The following PCDHGA3 variants were observed in gnomAD, a reference collection of about 807,000 sequenced individuals.
PCDHGA3 encodes protocadherin gamma subfamily A, 3.
PCDHGA3 carries 40 observed loss-of-function variants against 58.5 expected under a neutral mutation model. The observed-to-expected ratio is 0.68, with a 90% CI of 0.53 to 0.89. The LOEUF is 0.89. Among genes scored for constraint, PCDHGA3 ranks in the 40% least tolerant of loss-of-function variants. The probability of loss-of-function intolerance (pLI) is 0.00; values close to 1 mark genes in which losing one functional copy is unlikely to be tolerated. For missense variants in PCDHGA3, 1,223 were observed against 1,195.9 expected (o/e 1.02, Z -0.33); for synonymous variants, 530 against 525.7 (o/e 1.01, Z -0.11).
At chr5:141,351,684 CG>C in intron 1 of PCDHGA3, 1 of 1,613,988 alleles carries the variant, frequency 6.2e-7, no homozygotes, top group East Asian at 2.2e-5. Context: ...GCCTCCGACC[CG>C]GATTTGGGAC....
At chr5:141,414,498 C>T (rs2095755127) in intron 1 of PCDHGA3, 1 of 1,613,848 alleles carries the variant, frequency 6.2e-7, no homozygotes, top group African/African-American at 1.3e-5. Flanking sequence ...CGGAAGCTCA[C>T]TTTATGCTAC....
intron 1 of PCDHGA3, chr5:141,359,962 A>C (rs1174665843): frequency 1.7e-6 from 1 of 602,426 alleles, no homozygotes; most frequent in African/African-American, 1.9e-5. Context: ...GAACGAAGAG[A>C]AGCGTTTGGG....
At chr5:141,352,486 G>T in intron 1 of PCDHGA3, 1 of 1,614,000 alleles carries the variant, frequency 6.2e-7, no homozygotes, top group Non-Finnish European at 8.5e-7. Context: ...ACAGCGAGGG[G>T]ACTTTGCCCT....
chr5:141,360,216 G>A (rs1471973434), intron 1 of PCDHGA3: 4 of 1,613,422 alleles, frequency 2.5e-6, no homozygotes, highest in Non-Finnish European at 3.4e-6. Flanking sequence ...TGTTCCCCGG[G>A]GCTCTCCCAG....
intron 1 of PCDHGA3, chr5:141,389,006 C>T (rs1238735616): frequency 1.2e-6 from 2 of 1,613,868 alleles, no homozygotes. Flanking sequence ...ACAAGGATTC[C>T]AGACACAATG....
At chr5:141,499,966 G>A (rs1403177792) in intron 2 of PCDHGA3, among the ~76,000 whole-genome samples, 1 of 151,988 alleles carries the variant, frequency 6.6e-6, no homozygotes, top group African/African-American at 2.4e-5. Flanking sequence ...GGGATTACAG[G>A]TGTGAGCCAC....
At chr5:141,423,797 C>A in intron 1 of PCDHGA3, 2 of 1,249,164 alleles carry the variant, frequency 1.6e-6, no homozygotes, top group African/African-American at 1.6e-5. Flanking sequence ...ATATTTAGAG[C>A]AATACATGTG....
intron 1 of PCDHGA3, chr5:141,384,303 G>A (rs1199465212): frequency 1.2e-6 from 2 of 1,613,716 alleles, no homozygotes; most frequent in East Asian, 4.5e-5. Context: ...ACCCCAGAGG[G>A]GCCTCCATTT....
At chr5:141,360,876 C>G in intron 1 of PCDHGA3, 1 of 1,614,008 alleles carries the variant, frequency 6.2e-7, no homozygotes, top group Middle Eastern at 1.7e-4. Context: ...AGGACGTGTA[C>G]AGGGTCACCC....
intron 1 of PCDHGA3, chr5:141,372,834 C>A (rs1343091313): frequency 3.9e-6 from 6 of 1,536,106 alleles, no homozygotes; most frequent in South Asian, 1.2e-5. Flanking sequence ...ACCTTTCCTT[C>A]CATAAATATA....
rs1490866629 is a variant in PCDHGA3 at position 141,345,204 on chromosome 5, C to T, written c.1171C>T (p.Pro391Ser). The change falls in exon 1 of 4, where the codon CCA becomes TCA. Residue 391 changes from proline to serine, a missense_variant. Coordinates refer to ENST00000253812, the MANE Select transcript of PCDHGA3 (RefSeq NM_018916.4). ...QVEVFVLGNL[P>S]FKLEKSIDQY... ...TGAAGTTTTTGTCCTGGGAAATCTG[C>T]CATTTAAGTTAGAAAAATCAATAGA... 2.5e-6 allele frequency: 4 copies of T among 1,613,786 alleles called. No homozygotes were observed. The African/African-American group carries it at 5.3e-5, about 22-fold the overall frequency.
At position 141,407,135 on chromosome 5, in the gene PCDHGA3, G is replaced by GA. The variant is rs796659459; in HGVS notation, c.2424+60686dup. The stretch of plus-strand genomic sequence containing the variant: ...TGGGTTTCAGTTGCTTTATTTTTAA[G>GA]AAAAAAAAGCTGAAGTGTCTGGGAA... On this transcript the variant is annotated intron_variant, in intron 1 of 3. Coordinates refer to ENST00000253812, the MANE Select transcript of PCDHGA3 (RefSeq NM_018916.4). 3.3e-5 allele frequency among the ~76,000 whole-genome samples: 5 copies of GA among 151,810 alleles called. No homozygotes were observed. In the South Asian group the frequency reaches 6.2e-4, roughly 19 times the overall value.
chr5:141,364,168 ACTCTGCTCCCT>A, intron 1 of PCDHGA3: 1 of 748,396 alleles, frequency 1.3e-6, no homozygotes, highest in Non-Finnish European at 2.0e-6. Flanking sequence ...AGGCGACCCG[ACTCTGCTCCCT>A]CCATACTAAA....
At chr5:141,420,392 G>A (rs1480059498) in intron 1 of PCDHGA3, 2 of 1,268,940 alleles carry the variant, frequency 1.6e-6, no homozygotes, top group East Asian at 5.5e-5. Context: ...CAAAATATAG[G>A]TCAAATTTAT....
chr5:141,438,651 CAT>C (rs2098045358), intron 1 of PCDHGA3, among the ~76,000 whole-genome samples: 1 of 83,744 alleles, frequency 1.2e-5, no homozygotes, highest in East Asian at 3.2e-4. Context: ...CACACACACA[CAT>C]ATATGTATAT....
chr5:141,460,592 G>C (rs796171299), intron 1 of PCDHGA3, among the ~76,000 whole-genome samples: 12 of 151,976 alleles, frequency 7.9e-5, no homozygotes, highest in African/African-American at 2.9e-4. Flanking sequence ...GTTTTTTCTG[G>C]GCTCTCTGTG....
chr5:141,439,459 A>T (rs558086952), intron 1 of PCDHGA3, among the ~76,000 whole-genome samples: 1 of 152,340 alleles, frequency 6.6e-6, no homozygotes, highest in African/African-American at 2.4e-5. Flanking sequence ...GCAAGACTGC[A>T]CTGCTGCCTT....
Position 141,422,774 on chromosome 5 carries a change from A to G in PCDHGA3, c.2425-72033A>G, listed in dbSNP as rs372343628. On this transcript the variant is annotated intron_variant, in intron 1 of 3. Coordinates refer to ENST00000253812, the MANE Select transcript of PCDHGA3 (RefSeq NM_018916.4). ...ATTAACTCCAACACTGGTGTTCTCT[A>G]TGCCCTACAATCCTTCGACTATGAG... 100 of 1,613,880 alleles carry G rather than the reference A, an allele frequency of 6.2e-5. 1 individual carries two copies. In the Middle Eastern group the frequency reaches 1.3e-3, roughly 21 times the overall value.
intron 1 of PCDHGA3, chr5:141,393,176 A>G: frequency 1.9e-6 from 3 of 1,613,294 alleles, no homozygotes; most frequent in East Asian, 2.2e-5. Context: ...GGGTAGAAAT[A>G]GAAATAATTG....
Sources: allele counts gnomAD v4.1 joint callset (sites outside exome capture counted in the v4.1 genomes callset), GRCh38; gene constraint gnomAD v4.1.1; transcripts MANE v1.5; gene names NCBI Gene and HGNC (gene_info 2026-07-23, HGNC 2026-07-21).